Variants in ARHGEF3 observed in about 807,000 individuals in gnomAD.
ARHGEF3 encodes the protein 59.8 kDA protein.
ARHGEF3 carries 28 observed loss-of-function variants against 63.2 expected under a neutral mutation model. The ratio of observed to expected loss-of-function variants is 0.44; its 90% CI spans 0.33 to 0.61. The LOEUF (loss-of-function observed/expected upper bound fraction) is 0.61, where lower values mean the gene tolerates loss of function less well. ARHGEF3 is among the 20% of genes least tolerant of loss of function. The probability of loss-of-function intolerance (pLI) is 0.03; values close to 1 mark genes in which losing one functional copy is unlikely to be tolerated. For missense variants in ARHGEF3, 533 were observed against 659.3 expected (o/e 0.81, Z 2.10); for synonymous variants, 266 against 254.2 (o/e 1.05, Z -0.44).
At chr3:56,825,040 T>A (rs1307627758) in intron 4 of ARHGEF3, among the ~76,000 whole-genome samples, 6 of 152,124 alleles carry the variant, frequency 3.9e-5, no homozygotes, top group African/African-American at 7.3e-5. Flanking sequence ...AGCCCCAGTC[T>A]GGATTCTGAT....
intron 8 of ARHGEF3, among the ~76,000 whole-genome samples, chr3:56,733,727 G>C (rs1373105687): frequency 6.6e-6 from 1 of 151,522 alleles, no homozygotes. Flanking sequence ...CTCACGCCTG[G>C]AATCCCAGCA....
At chr3:56,982,331 T>C (rs2106907503) in intron 2 of ARHGEF3, among the ~76,000 whole-genome samples, 1 of 152,244 alleles carries the variant, frequency 6.6e-6, no homozygotes, top group Admixed American at 6.5e-5. Flanking sequence ...TTTGTTTCTT[T>C]GCAAAAGTTC....
rs1222532120 is a variant in ARHGEF3, at chr3:56,728,495, G to A, written c.*775C>T. 6.6e-6 allele frequency: 1 copy of A among 152,630 alleles called. No homozygotes were observed. The highest frequency in any genetic ancestry group is 1.5e-5 in the Non-Finnish European group (1 of 68,046). 9.5% of individuals were successfully genotyped at this position (152,630 alleles called of 1,614,324 possible). On this transcript the variant is annotated 3_prime_UTR_variant, in exon 10 of 10. Transcript: ENST00000296315. ...TTGTTATCCTGGCAGGCCTTCCTAA[G>A]CCCTTTGGGTTCTATTCTGATGTTT...
At chr3:56,954,857 C>T (rs149877362) in intron 3 of ARHGEF3, among the ~76,000 whole-genome samples, 16 of 152,318 alleles carry the variant, frequency 1.1e-4, no homozygotes, top group East Asian at 1.9e-4. Flanking sequence ...AGGAAAAACA[C>T]AAATGCAACT....
In ARHGEF3 at chr3:56,976,033, TAGA is replaced by T. The variant is rs571757170; in HGVS notation, c.63-17147_63-17145del. 2.5e-3 allele frequency among the ~76,000 whole-genome samples: 388 copies of T among 152,240 alleles called. 4 individuals carry two copies. The highest frequency in any genetic ancestry group is 8.9e-3 in the African/African-American group (370 of 41,530). ...AGATTTCGATCAAATAATCAACGCT[TAGA>T]AGGTGTTTTTTGTTGTTGTTGTTGA... On this transcript the variant is annotated intron_variant, in intron 2 of 12. Coordinates refer to the ARHGEF3 transcript ENST00000338458.
At chr3:56,853,291 T>C (rs1230335652) in intron 4 of ARHGEF3, among the ~76,000 whole-genome samples, 6 of 152,190 alleles carry the variant, frequency 3.9e-5, no homozygotes, top group African/African-American at 1.4e-4. Context: ...AAAATATAAC[T>C]GAGCTACTTT....
intron 4 of ARHGEF3, among the ~76,000 whole-genome samples, chr3:56,859,524 C>G (rs998106360): frequency 6.6e-6 from 1 of 151,346 alleles, no homozygotes; most frequent in Non-Finnish European, 1.5e-5. Context: ...CTTGCCACCC[C>G]CTTGGTACAC....
chr3:56,986,646 T>C (rs1408970287), intron 2 of ARHGEF3, among the ~76,000 whole-genome samples: 1 of 150,900 alleles, frequency 6.6e-6, no homozygotes, highest in East Asian at 2.0e-4. Flanking sequence ...GAAAGGGGAG[T>C]CCATGATGAA....
chr3:57,029,016 C>CACACACACACACA (rs1579123404), intron 2 of ARHGEF3, among the ~76,000 whole-genome samples: 2 of 150,798 alleles, frequency 1.3e-5, no homozygotes, highest in Admixed American at 6.6e-5. Flanking sequence ...CACACACACA[C>CACACACACACACA]CTCCCAAAAT....
intron 4 of ARHGEF3, among the ~76,000 whole-genome samples, chr3:56,870,893 T>A (rs2040413177): frequency 6.6e-6 from 1 of 152,082 alleles, no homozygotes; most frequent in African/African-American, 2.4e-5. Flanking sequence ...CAATATACTA[T>A]CTCTTCTCAC....
intron 3 of ARHGEF3, among the ~76,000 whole-genome samples, chr3:56,927,729 A>G (rs1032050481): frequency 3.3e-5 from 5 of 152,160 alleles, no homozygotes; most frequent in Non-Finnish European, 7.3e-5. Context: ...GGTACCGCAT[A>G]TGAGCTGCAG....
chr3:56,793,167 A>C (rs1317166389), intron 1 of ARHGEF3, among the ~76,000 whole-genome samples: 15 of 131,518 alleles, frequency 1.1e-4, no homozygotes, highest in Admixed American at 7.1e-4. Flanking sequence ...CCAGGCCCAG[A>C]TAATTTTTTT....
intron 4 of ARHGEF3, among the ~76,000 whole-genome samples, chr3:56,817,068 C>G (rs995635867): frequency 1.8e-4 from 27 of 152,174 alleles, no homozygotes; most frequent in Non-Finnish European, 4.0e-4. Flanking sequence ...GACATAATCT[C>G]ACATCCAGAA....
chr3:56,968,153 AAAATATATAT>A (rs1700695863), intron 2 of ARHGEF3, among the ~76,000 whole-genome samples: 1 of 34,540 alleles, frequency 2.9e-5, no homozygotes, highest in Non-Finnish European at 5.5e-5. Flanking sequence ...AATATATATA[AAAATATATAT>A]TATATAATAT....
At chr3:56,964,490 G>A (rs1030948738) in intron 2 of ARHGEF3, among the ~76,000 whole-genome samples, 1 of 152,112 alleles carries the variant, frequency 6.6e-6, no homozygotes, top group African/African-American at 2.4e-5. Flanking sequence ...TGGAGAATGG[G>A]TCTGTACTCT....
In ARHGEF3 at chr3:56,807,409, C is replaced by T. The variant is rs72882994; in HGVS notation, c.193-33593G>A. Among the ~76,000 whole-genome samples the T allele has an allele frequency of 6.5e-3, 987 of 152,228 alleles. 14 individuals are homozygous for T. Among genetic ancestry groups the T allele is most frequent in the African/African-American group, 0.023 (938 of 41,506 alleles). ...CTTTCAATTGTAACCTATGTGTTTA[C>T]ATTTGAATAAGGAGCTCAAGGAACA... On this transcript the variant is annotated intron_variant, in intron 4 of 12. Coordinates refer to the ARHGEF3 transcript ENST00000338458.
At chr3:57,047,126 T>C (rs528720559) in intron 1 of ARHGEF3, among the ~76,000 whole-genome samples, 1 of 152,290 alleles carries the variant, frequency 6.6e-6, no homozygotes, top group Non-Finnish European at 1.5e-5. Context: ...GGTGGGCAGA[T>C]CACCTGAGGT....
At chr3:56,966,239 A>G (rs11714731) in intron 2 of ARHGEF3, among the ~76,000 whole-genome samples, 21,446 of 152,166 alleles carry the variant, frequency 0.14, 1,662 homozygotes, top group East Asian at 0.25. Flanking sequence ...AGCAAATATG[A>G]CTAAATGTTG....
chr3:57,078,138 T>A (rs1706299906), intron 1 of ARHGEF3, among the ~76,000 whole-genome samples: 1 of 152,130 alleles, frequency 6.6e-6, no homozygotes, highest in African/African-American at 2.4e-5. Flanking sequence ...ACTGTTATCA[T>A]CCCCACTTTA....
Sources: gnomAD v4.1 joint callset for allele counts (sites outside exome capture counted in the v4.1 genomes callset) on GRCh38, gnomAD v4.1.1 for gene constraint, MANE v1.5 for transcripts, NCBI Gene and HGNC (gene_info 2026-07-23, HGNC 2026-07-21) for gene names.